KIAA1671: variants seen among roughly 807,000 people sequenced by gnomAD.
KIAA1671 encodes the protein uncharacterized protein KIAA1671.
In KIAA1671, 52 loss-of-function variants were observed where a neutral mutation model predicts 131.2. That is an observed-to-expected ratio of 0.40 (90% CI 0.32 to 0.50). The LOEUF (loss-of-function observed/expected upper bound fraction) is 0.50. Among genes scored for constraint, KIAA1671 ranks in the 20% least tolerant of loss-of-function variants. The pLI is 0.73. For missense variants in KIAA1671, 2,360 were observed against 2,364.2 expected (o/e 1.00, Z 0.04); for synonymous variants, 1,003 against 961.6 (o/e 1.04, Z -0.80).
intron 6 of KIAA1671, among the ~76,000 whole-genome samples, chr22:25,070,976 G>T (rs1028532116): frequency 3.3e-5 from 5 of 152,228 alleles, no homozygotes; most frequent in African/African-American, 7.2e-5. Flanking sequence ...CAAAGTCAGG[G>T]AAGCTGTGCA....
chr22:25,197,195 G>A lies in KIAA1671; in HGVS notation c.*4794G>A, dbSNP rs1934855685. On this transcript the variant is annotated 3_prime_UTR_variant, in exon 13 of 13. Transcript: ENST00000358431. ...AGTCCCAGAAAGAATCTCTAACCGT[G>A]TGACTGAGAAGTCATCTAGAAAAAC... The A allele has an allele frequency of 6.6e-6, 1 of 152,166 alleles. No homozygotes were observed. The highest frequency in any genetic ancestry group is 1.5e-5 in the Non-Finnish European group (1 of 68,034). The allele number at this position is 152,166 out of a possible 1,614,324, so 9.4% of individuals were successfully genotyped here.
intron 11 of KIAA1671, among the ~76,000 whole-genome samples, chr22:25,187,741 A>T (rs1215807335): frequency 2.6e-5 from 4 of 152,086 alleles, no homozygotes. Context: ...GAATTCCTGG[A>T]TGATCCTCTG....
At chr22:25,187,548 A>G (rs1238426932) in intron 11 of KIAA1671, among the ~76,000 whole-genome samples, 1 of 151,758 alleles carries the variant, frequency 6.6e-6, no homozygotes, top group Non-Finnish European at 1.5e-5. Context: ...ACAGGGTCTC[A>G]CTCTGTCACC....
chr22:25,185,009 T>C lies in KIAA1671; in HGVS notation c.5232T>C (p.Ser1744=). The part of the protein sequence containing the change: ...AQLHKRPEVD[S]PGETPSWAPQ... The stretch of plus-strand genomic sequence containing the variant: ...TGCACAAGAGGCCAGAGGTGGACAG[T>C]CCTGGCGAGACCCCCAGCTGGGCAC... Residue 1744 remains serine (S), a synonymous_variant, in exon 11 of 13, where the codon AGT becomes AGC. Coordinates refer to ENST00000358431, the MANE Select transcript of KIAA1671 (RefSeq NM_001145206.2). The C allele has an allele frequency of 6.4e-7, 1 of 1,551,598 alleles. No homozygotes were observed. Among genetic ancestry groups the C allele is most frequent in the South Asian group, 1.2e-5 (1 of 84,054 alleles).
intron 1 of KIAA1671, among the ~76,000 whole-genome samples, chr22:24,973,786 C>T (rs1022256069): frequency 6.6e-6 from 1 of 152,088 alleles, no homozygotes; most frequent in Non-Finnish European, 1.5e-5. Flanking sequence ...GGACTTTGCT[C>T]CCTGCCATGT....
intron 6 of KIAA1671, among the ~76,000 whole-genome samples, chr22:25,162,842 C>T (rs1933492695): frequency 6.6e-6 from 1 of 152,182 alleles, no homozygotes; most frequent in Non-Finnish European, 1.5e-5. Context: ...GAACAGAGAC[C>T]ATCATGACCC....
At chr22:25,189,453 G>A (rs1485715472) in intron 11 of KIAA1671, among the ~76,000 whole-genome samples, 6 of 152,160 alleles carry the variant, frequency 3.9e-5, no homozygotes, top group South Asian at 4.1e-4. Context: ...GATTACGGGC[G>A]TGAGCCACCG....
intron 1 of KIAA1671, among the ~76,000 whole-genome samples, chr22:24,980,787 C>T (rs1264306229): frequency 6.6e-6 from 1 of 151,750 alleles, no homozygotes; most frequent in African/African-American, 2.4e-5. Flanking sequence ...GCTCTTGTCA[C>T]CCAGGCTGAA....
At chr22:24,979,334 T>TTTA (rs1923095310) in intron 1 of KIAA1671, among the ~76,000 whole-genome samples, 1 of 142,654 alleles carries the variant, frequency 7.0e-6, no homozygotes, top group Non-Finnish European at 1.5e-5. Context: ...TAATAATTTA[T>TTTA]TTTATTTATT....
chr22:25,129,166 G>A (rs1448596320), intron 6 of KIAA1671, among the ~76,000 whole-genome samples: 1 of 152,064 alleles, frequency 6.6e-6, no homozygotes, highest in Non-Finnish European at 1.5e-5. Flanking sequence ...CATGGTGGGC[G>A]GGGCGGTGGG....
chr22:25,029,613 CATG>C, intron 3 of KIAA1671, 73 bp downstream of exon 3: 1 of 1,140,664 alleles, frequency 8.8e-7, no homozygotes, highest in South Asian at 1.6e-5. Context: ...AACCAGGCTC[CATG>C]CTGGGCACTT....
intron 10 of KIAA1671, among the ~76,000 whole-genome samples, chr22:25,184,553 C>T (rs1232954442): frequency 6.6e-6 from 1 of 152,142 alleles, no homozygotes; most frequent in Non-Finnish European, 1.5e-5. Flanking sequence ...ATTTGCCCTC[C>T]GGTTTTCTTA....
At position 25,148,137 on chromosome 22, in the gene KIAA1671, A is replaced by G. The variant is rs188367902; in HGVS notation, c.4531-22683A>G. On this transcript the variant is annotated intron_variant, in intron 6 of 12. Transcript: ENST00000358431. ...GCCCTGGGAAGAAGGAGGTAAGCCTAGTGTGGTCCCGGCACTCCCTCAGAG... is the reference window on the plus strand; with the variant it reads ...GCCCTGGGAAGAAGGAGGTAAGCCTGGTGTGGTCCCGGCACTCCCTCAGAG... 1.7e-3 allele frequency among the ~76,000 whole-genome samples: 261 copies of G among 151,870 alleles called. 1 individual carries two copies. The highest frequency in any genetic ancestry group is 0.017 in the Middle Eastern group (5 of 294).
chr22:24,979,346 A>AT (rs199628002), intron 1 of KIAA1671, among the ~76,000 whole-genome samples: 5,670 of 130,560 alleles, frequency 0.043, 380 homozygotes, highest in African/African-American at 0.16. Flanking sequence ...TTATTTATTT[A>AT]TTTATTTATT....
chr22:24,967,798 C>T (rs968312100), intron 1 of KIAA1671, among the ~76,000 whole-genome samples: 15 of 152,196 alleles, frequency 9.9e-5, no homozygotes, highest in African/African-American at 3.6e-4. Flanking sequence ...CGAGACCATC[C>T]TGGCTAACAC....
intron 6 of KIAA1671, among the ~76,000 whole-genome samples, chr22:25,167,652 G>T (rs1334074250): frequency 6.6e-6 from 1 of 152,182 alleles, no homozygotes; most frequent in Non-Finnish European, 1.5e-5. Context: ...GTGTTATGTT[G>T]TAACTAGAGA....
chr22:25,001,286 T>G (rs1002839568), intron 1 of KIAA1671, among the ~76,000 whole-genome samples: 1 of 152,080 alleles, frequency 6.6e-6, no homozygotes, highest in African/African-American at 2.4e-5. Context: ...TGTATGTGTG[T>G]GCATGTGTAT....
intron 1 of KIAA1671, among the ~76,000 whole-genome samples, chr22:24,964,463 C>T (rs1922189091): frequency 6.6e-6 from 1 of 151,956 alleles, no homozygotes; most frequent in South Asian, 2.1e-4. Flanking sequence ...GTTCTGTCAC[C>T]CAGGCTGGGG....
intron 1 of KIAA1671, among the ~76,000 whole-genome samples, chr22:24,956,762 C>G (rs1315904101): frequency 6.6e-6 from 1 of 151,778 alleles, no homozygotes; most frequent in Non-Finnish European, 1.5e-5. Context: ...GTCCCAGCTA[C>G]CTGGGAGGCT....
Sources: gnomAD v4.1 joint callset for allele counts (sites outside exome capture counted in the v4.1 genomes callset) on GRCh38, gnomAD v4.1.1 for gene constraint, MANE v1.5 for transcripts, NCBI Gene and HGNC (gene_info 2026-07-23, HGNC 2026-07-21) for gene names.